DNAJB14: variants seen among roughly 807,000 people sequenced by gnomAD.
DNAJB14 encodes DnaJ heat shock protein family (Hsp40) member B14, also known as dnaJ homolog subfamily B member 14.
Under a neutral mutation model 48.4 loss-of-function variants are expected in DNAJB14, and 22 were observed. The ratio of observed to expected loss-of-function variants is 0.45; its 90% CI spans 0.32 to 0.65. The LOEUF (loss-of-function observed/expected upper bound fraction) is 0.65. DNAJB14 is among the 30% of genes least tolerant of loss of function. The pLI is 0.03. For synonymous variants in DNAJB14, 142 were observed against 158.7 expected, an observed-to-expected ratio of 0.89 and a Z score of 0.79; for missense variants, 319 against 458.8, an observed-to-expected ratio of 0.70 and a Z score of 2.78.
At chr4:99,917,969 C>T (rs1224419516) in intron 3 of DNAJB14, among the ~76,000 whole-genome samples, 1 of 152,042 alleles carries the variant, frequency 6.6e-6, no homozygotes, top group African/African-American at 2.4e-5. Context: ...TTGGGTTTAT[C>T]AGTTTGGGGT....
At chr4:99,926,595 T>A (rs1435446879) in intron 2 of DNAJB14, 4 of 152,120 alleles carry the variant, frequency 2.6e-5, no homozygotes, top group Non-Finnish European at 4.4e-5. Flanking sequence ...ATGTTCCAGA[T>A]TAAGCCTCTA....
chr4:99,897,577 G>A lies in DNAJB14; in HGVS notation c.*3451C>T, dbSNP rs1248247202. Reference sequence around the variant, plus strand: ...ACTAAAAATTAGAATTTAAAATGTTGGAAATTATTGCCAGACAAGTTTCTT... The same window carrying A: ...ACTAAAAATTAGAATTTAAAATGTTAGAAATTATTGCCAGACAAGTTTCTT... On this transcript the variant is annotated 3_prime_UTR_variant, in exon 8 of 8. Transcript: ENST00000442697. 1 of 151,786 alleles carries A rather than the reference G, an allele frequency of 6.6e-6. No homozygotes were observed. The highest frequency in any genetic ancestry group is 1.5e-5 in the Non-Finnish European group (1 of 67,820). The allele number at this position is 151,786 out of a possible 1,614,324, so 9.4% of individuals were successfully genotyped here. A position where few individuals can be genotyped will look rare whatever the true frequency, so the allele number is the denominator to read the frequency against.
At chr4:99,926,104 CTTCCTT>C (rs1019628879) in intron 2 of DNAJB14, 10 of 152,272 alleles carry the variant, frequency 6.6e-5, no homozygotes, top group Non-Finnish European at 1.3e-4. Flanking sequence ...TGACTTAGCT[CTTCCTT>C]TTCCTAAGAA....
In DNAJB14 at chr4:99,897,653, T is replaced by C. The variant is rs1283192916; in HGVS notation, c.*3375A>G. 1 of 152,056 alleles carries C rather than the reference T, an allele frequency of 6.6e-6. No individual in the cohort carries two copies. The highest frequency in any genetic ancestry group is 1.5e-5 in the Non-Finnish European group (1 of 67,886). 9.4% of individuals were successfully genotyped at this position (152,056 alleles called of 1,614,324 possible). On this transcript the variant is annotated 3_prime_UTR_variant, in exon 8 of 8. Coordinates refer to ENST00000442697, the MANE Select transcript of DNAJB14 (RefSeq NM_001031723.4). ...GGATTTTAACTAGGCAATGGTCCAA[T>C]GTGGTCAACAGACATGGTTTTTCAG... is the stretch of plus-strand genomic sequence containing the variant.
chr4:99,922,547 T>A (rs1004434589), intron 3 of DNAJB14: 2 of 137,990 alleles, frequency 1.4e-5, no homozygotes, highest in African/African-American at 2.9e-5. Flanking sequence ...TATTAATTTT[T>A]AAAAAGAAAA....
chr4:99,899,004 T>A lies in DNAJB14; in HGVS notation c.*2024A>T, dbSNP rs1725211082. ...CTGCAGAAAATTTTATCAAACACAT[T>A]TTCCCTAGCATTTTATGAAATTTAA... On this transcript the variant is annotated 3_prime_UTR_variant, in exon 8 of 8. Coordinates refer to ENST00000442697, the MANE Select transcript of DNAJB14 (RefSeq NM_001031723.4). 1 of 151,922 alleles carries A rather than the reference T, an allele frequency of 6.6e-6. No individual in the cohort carries two copies. Among genetic ancestry groups the A allele is most frequent in the Non-Finnish European group, 1.5e-5 (1 of 67,804 alleles). The allele number at this position is 151,922 out of a possible 1,614,324, so 9.4% of individuals were successfully genotyped here. A position where few individuals can be genotyped will look rare whatever the true frequency, so the allele number is the denominator to read the frequency against.
intron 1 of DNAJB14, among the ~76,000 whole-genome samples, chr4:99,931,117 T>C (rs930332659): frequency 6.6e-6 from 1 of 152,076 alleles, no homozygotes; most frequent in Non-Finnish European, 1.5e-5. Flanking sequence ...TTCCAACAAA[T>C]AGAAAATTTA....
At chr4:99,927,258 T>C (rs979414925) in intron 2 of DNAJB14, 1 of 152,212 alleles carries the variant, frequency 6.6e-6, no homozygotes, top group African/African-American at 2.4e-5. Context: ...GAAGCATAGT[T>C]GGTGGGAGAG....
At chr4:99,938,927 T>C (rs1466028069) in intron 1 of DNAJB14, among the ~76,000 whole-genome samples, 4 of 152,116 alleles carry the variant, frequency 2.6e-5, no homozygotes, top group Admixed American at 2.6e-4. Flanking sequence ...GATTTTCCTA[T>C]ATAAACGATA....
intron 3 of DNAJB14, among the ~76,000 whole-genome samples, chr4:99,917,253 A>G (rs6832726): frequency 0.28 from 42,101 of 152,214 alleles, 6,389 homozygotes; most frequent in African/African-American, 0.4. Context: ...CGAGAAGCAA[A>G]AGTATATTGT....
chr4:99,905,073 T>C (rs1015936099), intron 6 of DNAJB14, among the ~76,000 whole-genome samples: 1 of 152,106 alleles, frequency 6.6e-6, no homozygotes, highest in African/African-American at 2.4e-5. Context: ...TAGTTTCCTT[T>C]ATGTTCACTG....
At chr4:99,916,898 G>A (rs563068303) in intron 3 of DNAJB14, among the ~76,000 whole-genome samples, 1 of 152,154 alleles carries the variant, frequency 6.6e-6, no homozygotes, top group Non-Finnish European at 1.5e-5. Context: ...ACTTTGGGAG[G>A]CTGAGGCGGA....
chr4:99,897,227 T>C lies in DNAJB14; in HGVS notation c.*3801A>G, dbSNP rs969614259. On this transcript the variant is annotated 3_prime_UTR_variant, in exon 8 of 8. Coordinates refer to ENST00000442697, the MANE Select transcript of DNAJB14 (RefSeq NM_001031723.4). ...ATATATATATATATATATACACCTA[T>C]ACATAGACACATCCACAGAATATTC... The C allele has an allele frequency of 2.7e-5, 4 of 147,644 alleles. No individual in the cohort carries two copies. Among genetic ancestry groups the C allele is most frequent in the African/African-American group, 9.9e-5 (4 of 40,398 alleles). 9.1% of individuals were successfully genotyped at this position (147,644 alleles called of 1,614,324 possible).
intron 3 of DNAJB14, among the ~76,000 whole-genome samples, chr4:99,911,277 C>G (rs1015390249): frequency 2.0e-5 from 3 of 152,172 alleles, no homozygotes; most frequent in Non-Finnish European, 4.4e-5. Context: ...GGATGTACCA[C>G]TGTTTAACCA....
chr4:99,907,742 C>T (rs754226706), intron 4 of DNAJB14, among the ~76,000 whole-genome samples: 4 of 152,060 alleles, frequency 2.6e-5, no homozygotes, highest in Non-Finnish European at 4.4e-5. Context: ...GCCACCAGGT[C>T]CAATTATACT....
rs1725276166 is a variant in DNAJB14 at position 99,900,985 on chromosome 4, A to G, written c.*43T>C. On this transcript the variant is annotated 3_prime_UTR_variant, in exon 8 of 8. Coordinates refer to ENST00000442697, the MANE Select transcript of DNAJB14 (RefSeq NM_001031723.4). Reference sequence around the variant, plus strand: ...TGATGAAACCAAACTTACTTACAGAAAAAATAAAGAGTACGCTAAAAGGTA... The same window carrying G: ...TGATGAAACCAAACTTACTTACAGAGAAAATAAAGAGTACGCTAAAAGGTA... 6.4e-7 allele frequency: 1 copy of G among 1,571,784 alleles called. No individual in the cohort carries two copies. The highest frequency in any genetic ancestry group is 1.4e-5 in the African/African-American group (1 of 72,060).
At chr4:99,921,842 T>C (rs757116042) in intron 3 of DNAJB14, among the ~76,000 whole-genome samples, 3 of 152,210 alleles carry the variant, frequency 2.0e-5, no homozygotes, top group Non-Finnish European at 2.9e-5. Flanking sequence ...TTCTGTACTA[T>C]TGAATTATAA....
chr4:99,928,993 G>T (rs1157555721), intron 2 of DNAJB14: 1 of 152,622 alleles, frequency 6.6e-6, no homozygotes. Context: ...GTATAAAAAT[G>T]GTTAGCAGCA....
intron 4 of DNAJB14, 133 bp downstream of exon 4, chr4:99,908,578 T>G: frequency 3.1e-6 from 2 of 644,224 alleles, no homozygotes; most frequent in South Asian, 5.1e-5. Context: ...CCTGCTTTCA[T>G]GAAAAACCAT....
Sources: allele counts gnomAD v4.1 joint callset (sites outside exome capture counted in the v4.1 genomes callset), GRCh38; gene constraint gnomAD v4.1.1; transcripts MANE v1.5; gene names NCBI Gene and HGNC (gene_info 2026-07-23, HGNC 2026-07-21).